FBXO30: variants seen among roughly 807,000 people sequenced by gnomAD.
The protein encoded by FBXO30 is F-box protein 30, also known as F-box only protein 30.
A neutral mutation model predicts 58.1 loss-of-function variants in FBXO30; 21 were observed. The observed-to-expected ratio is 0.36, with a 90% CI of 0.26 to 0.52. FBXO30 has a LOEUF of 0.52. Among genes scored for constraint, FBXO30 ranks in the 20% least tolerant of loss-of-function variants. The pLI, the probability that FBXO30 is intolerant of heterozygous loss-of-function variation, is 0.93. For missense variants in FBXO30, 744 were observed against 897.3 expected (o/e 0.83, Z 2.18); for synonymous variants, 309 against 312.4 (o/e 0.99, Z 0.11).
chr6:145,806,585 G>A (rs1417766138), intron 1 of FBXO30, among the ~76,000 whole-genome samples, 164 bp from the exon 2 acceptor site: 3 of 152,100 alleles, frequency 2.0e-5, no homozygotes, highest in East Asian at 3.9e-4. Flanking sequence ...TATAATCAAT[G>A]TCTTGAAAGG....
rs777633597 is a variant in FBXO30, at chr6:145,806,347, G to A, written c.59C>T (p.Thr20Ile). The change falls in exon 2 of 3, where the codon ACC (threonine) becomes ATC (isoleucine). Residue 20 changes from threonine (T) to isoleucine (I), a missense_variant. Thr to Ile is a moderately conservative substitution (Grantham distance 89). Coordinates refer to ENST00000237281, the MANE Select transcript of FBXO30 (RefSeq NM_032145.5). Reference protein sequence around the residue: ...CVNCVSRRCMTRPEPGISCDL... With the variant: ...CVNCVSRRCMIRPEPGISCDL... Reference sequence around the variant, plus strand: ...ACAGGAAATCCCTGGCTCTGGCCTGGTCATGCACCGTCTACTGACACAATT... The same window carrying A: ...ACAGGAAATCCCTGGCTCTGGCCTGATCATGCACCGTCTACTGACACAATT... 1 of 1,613,810 alleles carries A rather than the reference G, an allele frequency of 6.2e-7. No homozygotes were observed. The highest frequency in any genetic ancestry group is 1.3e-5 in the African/African-American group (1 of 74,896).
Position 145,804,689 on chromosome 6 carries a change from T to C in FBXO30, c.1717A>G (p.Ile573Val), listed in dbSNP as rs368438328. Residue 573 changes from isoleucine (I) to valine (V), a missense_variant, in exon 2 of 3, where the codon ATA becomes GTA. Around this residue, in one of 3 missense-constraint regions of FBXO30, gnomAD observed 334 missense variants for 433.7 expected, o/e 0.77. Transcript: ENST00000237281. ...TCATGTATAATCTTTGCTCCTTGTATTGATGGACAAAATCTACGCTGAGAA... is the reference window on the plus strand; with the variant it reads ...TCATGTATAATCTTTGCTCCTTGTACTGATGGACAAAATCTACGCTGAGAA... ...TYSQRRFCPS[I>V]QGAKIIHDRH... 29 of 1,613,794 alleles carry C rather than the reference T, an allele frequency of 1.8e-5. No individual in the cohort carries two copies. The highest frequency in any genetic ancestry group is 2.2e-5 in the South Asian group (2 of 91,082).
intron 2 of FBXO30, among the ~76,000 whole-genome samples, chr6:145,800,538 TAA>T (rs931823464): frequency 2.0e-5 from 3 of 152,022 alleles, no homozygotes; most frequent in African/African-American, 7.2e-5. Context: ...CTAAAAACAA[TAA>T]AAGACAAAAC....
chr6:145,812,901 TTA>T (rs1301582208), intron 1 of FBXO30, among the ~76,000 whole-genome samples: 3 of 152,300 alleles, frequency 2.0e-5, no homozygotes, highest in African/African-American at 7.2e-5. Context: ...CTCAATTGTT[TTA>T]TGTCAAAAAA....
intron 1 of FBXO30, among the ~76,000 whole-genome samples, chr6:145,810,291 G>C (rs1323099176): frequency 1.3e-5 from 2 of 151,996 alleles, no homozygotes; most frequent in African/African-American, 4.8e-5. Context: ...TCTGGGAATA[G>C]AATCCTCAGC....
chr6:145,804,090 CAAAG>C (rs1778088195), intron 2 of FBXO30, among the ~76,000 whole-genome samples: 1 of 152,082 alleles, frequency 6.6e-6, no homozygotes, highest in African/African-American at 2.4e-5. Context: ...TGGACCCAAA[CAAAG>C]AGAGTTGTTA....
intron 1 of FBXO30, among the ~76,000 whole-genome samples, chr6:145,807,521 A>T (rs1214757145): frequency 2.0e-5 from 3 of 152,206 alleles, no homozygotes; most frequent in Non-Finnish European, 4.4e-5. Context: ...AATAAGGCAA[A>T]TCATGATGAG....
At chr6:145,809,386 A>G (rs889713225) in intron 1 of FBXO30, among the ~76,000 whole-genome samples, 1 of 152,228 alleles carries the variant, frequency 6.6e-6, no homozygotes, top group Non-Finnish European at 1.5e-5. Context: ...ACCTAAAAAT[A>G]CAAGCAGTTT....
At position 145,796,256 on chromosome 6, in the gene FBXO30, C is replaced by T. The variant is rs1442834780; in HGVS notation, c.*3850G>A. On this transcript the variant is annotated 3_prime_UTR_variant, in exon 3 of 3. Coordinates refer to ENST00000237281, the MANE Select transcript of FBXO30 (RefSeq NM_032145.5). ...AAAGATGACTTCAAAAGCAAACCATCTTTCCTTTTCCCTTATTTAGAAAGG... is the reference window on the plus strand; with the variant it reads ...AAAGATGACTTCAAAAGCAAACCATTTTTCCTTTTCCCTTATTTAGAAAGG... 6.6e-6 allele frequency: 1 copy of T among 151,948 alleles called. No homozygotes were observed. The highest frequency in any genetic ancestry group is 1.5e-5 in the Non-Finnish European group (1 of 67,880). 9.4% of individuals were successfully genotyped at this position (151,948 alleles called of 1,614,324 possible).
intron 1 of FBXO30, 96 bp downstream of exon 1, chr6:145,814,507 G>C (rs961955698): frequency 6.6e-6 from 1 of 151,814 alleles, no homozygotes; most frequent in Non-Finnish European, 1.5e-5. Flanking sequence ...CCAGCGCCTC[G>C]GTCCCGGCCG....
Position 145,805,792 on chromosome 6 carries a change from C to T in FBXO30, c.614G>A (p.Arg205Lys), listed in dbSNP as rs774571445. ...AALDILNTAT[R>K]DIGMLNTSVP... ...ACTTGTATTTAACATGCCAATGTCT[C>T]TTGTAGCAGTATTCAGGATATCCAA... is the stretch of plus-strand genomic sequence containing the variant. Residue 205 changes from arginine (R) to lysine (K), a missense_variant, in exon 2 of 3, where the codon AGA becomes AAA. By Grantham distance (26) the Arg-to-Lys change is conservative. Around this residue, in one of 3 missense-constraint regions of FBXO30, gnomAD observed 275 missense variants for 262.0 expected, o/e 1.05. Coordinates refer to ENST00000237281, the MANE Select transcript of FBXO30 (RefSeq NM_032145.5). The T allele has an allele frequency of 7.4e-5, 119 of 1,613,958 alleles. No homozygotes were observed. Among genetic ancestry groups the T allele is most frequent in the Non-Finnish European group, 9.4e-5 (111 of 1,179,996 alleles).
chr6:145,809,317 C>A (rs1012993056), intron 1 of FBXO30, among the ~76,000 whole-genome samples: 3 of 152,134 alleles, frequency 2.0e-5, no homozygotes, highest in African/African-American at 7.2e-5. Context: ...TTTGCAGGAA[C>A]TAGACTGAGT....
At chr6:145,802,469 C>G (rs914572385) in intron 2 of FBXO30, among the ~76,000 whole-genome samples, 16 of 152,044 alleles carry the variant, frequency 1.1e-4, no homozygotes, top group Admixed American at 9.2e-4. Flanking sequence ...ATTTTAAAGA[C>G]TTAACGCAAG....
intron 2 of FBXO30, among the ~76,000 whole-genome samples, chr6:145,804,061 A>C (rs1290351382): frequency 1.3e-5 from 2 of 152,150 alleles, no homozygotes; most frequent in Non-Finnish European, 2.9e-5. Flanking sequence ...GATGGAGTCC[A>C]AATTAGAAGA....
Position 145,793,811 on chromosome 6 carries a change from A to T in FBXO30, c.*6295T>A, listed in dbSNP as rs746866965. On this transcript the variant is annotated 3_prime_UTR_variant, in exon 3 of 3. Coordinates refer to ENST00000237281, the MANE Select transcript of FBXO30 (RefSeq NM_032145.5). ...TGCTGCTGTCAGGAGTACTTCTATG[A>T]TGGGATTCACAAATTTTACTAGAAC... The T allele has an allele frequency of 1.1e-4, 16 of 152,030 alleles. No homozygotes were observed. The highest frequency in any genetic ancestry group is 2.2e-4 in the Non-Finnish European group (15 of 67,896). The allele number at this position is 152,030 out of a possible 1,614,324, so 9.4% of individuals were successfully genotyped here. A position where few individuals can be genotyped will look rare whatever the true frequency, so the allele number is the denominator to read the frequency against.
intron 1 of FBXO30, among the ~76,000 whole-genome samples, chr6:145,813,753 A>AAT (rs1277567382): frequency 6.6e-6 from 1 of 152,210 alleles, no homozygotes; most frequent in African/African-American, 2.4e-5. Flanking sequence ...CTTGGATCAG[A>AAT]GTCAACGAAG....
chr6:145,797,584 C>A lies in FBXO30; in HGVS notation c.*2522G>T, dbSNP rs575053985. ...TAATAATCTGCATTTCTAACAAATT[C>A]CTAGGTGTTGATGTTCCTGCTGGTC... On this transcript the variant is annotated 3_prime_UTR_variant, in exon 3 of 3. Coordinates refer to ENST00000237281, the MANE Select transcript of FBXO30 (RefSeq NM_032145.5). 2.6e-5 allele frequency: 4 copies of A among 152,110 alleles called. No homozygotes were observed. The East Asian group carries it at 7.7e-4, about 29-fold the overall frequency. The allele number at this position is 152,110 out of a possible 1,614,324, so 9.4% of individuals were successfully genotyped here. A position where few individuals can be genotyped will look rare whatever the true frequency, so the allele number is the denominator to read the frequency against.
rs763263054 is a variant in FBXO30, at chr6:145,806,408, T to C, written c.-3A>G. 3.9e-5 allele frequency: 63 copies of C among 1,612,582 alleles called. No homozygotes were observed. The highest frequency in any genetic ancestry group is 5.0e-5 in the Non-Finnish European group (59 of 1,179,618). Reference sequence around the variant, plus strand: ...GAATGCTGCAGCTCCTCCTCCATAATGGCCAGTCCAGCTCTGGTTGATGAA... The same window carrying C: ...GAATGCTGCAGCTCCTCCTCCATAACGGCCAGTCCAGCTCTGGTTGATGAA... On this transcript the variant is annotated 5_prime_UTR_variant, in exon 2 of 3. Transcript: ENST00000237281.
intron 1 of FBXO30, among the ~76,000 whole-genome samples, chr6:145,808,483 A>C (rs1562246886): frequency 6.6e-6 from 1 of 152,074 alleles, no homozygotes; most frequent in Non-Finnish European, 1.5e-5. Flanking sequence ...CTTCTTAACT[A>C]TTACTCAATA....
Sources: allele counts gnomAD v4.1 joint callset (sites outside exome capture counted in the v4.1 genomes callset), GRCh38; gene constraint gnomAD v4.1.1; regional missense constraint gnomAD v4.1.1; transcripts MANE v1.5; gene names NCBI Gene and HGNC (gene_info 2026-07-23, HGNC 2026-07-21).